The following THOC1 variants were observed in gnomAD, a reference collection of about 807,000 sequenced individuals.
The protein encoded by THOC1 is THO complex subunit 1.
In THOC1, 29 loss-of-function variants were observed where a neutral mutation model predicts 97.3. That is an observed-to-expected ratio of 0.30 (90% CI 0.22 to 0.41). The LOEUF is 0.41. Among genes scored for constraint, THOC1 ranks in the 10% least tolerant of loss-of-function variants. The pLI is 1.00. For missense variants in THOC1, 529 were observed against 761.9 expected, an observed-to-expected ratio of 0.69 and a Z score of 3.60; for synonymous variants, 255 against 257.0, an observed-to-expected ratio of 0.99 and a Z score of 0.07.
rs564376849 is a variant in THOC1 at position 216,291 on chromosome 18, T to C, written c.1602+195A>G. 3.2e-4 allele frequency: 204 copies of C among 633,166 alleles called. 1 individual carries two copies. The African/African-American group carries it at 3.5e-3, about 11-fold the overall frequency. 39.2% of individuals were successfully genotyped at this position (633,166 alleles called of 1,614,324 possible). On this transcript the variant is annotated intron_variant, in intron 19 of 20. Transcript: ENST00000261600. ...AAATTACATGCTGTACAGAAAATTA[T>C]CAGTTACTTCTTTATCAACTCATGT... is the stretch of plus-strand genomic sequence containing the variant.
rs1356082156 is a variant in THOC1 at position 268,026 on chromosome 18, G to GGCTGCGCGTGCCCGCC, written c.-23_-8dup. On this transcript the variant is annotated 5_prime_UTR_variant, in exon 1 of 21. Transcript: ENST00000261600. ...GCGGCGGCGTCGGAGACATCTTCTCGGCTGCGCGTGCCCGCCACTGCGCTG... is the reference window on the plus strand; with the variant it reads ...GCGGCGGCGTCGGAGACATCTTCTCGGCTGCGCGTGCCCGCCGCTGCGCGTGCCCGCCACTGCGCTG... The GGCTGCGCGTGCCCGCC allele has an allele frequency of 1.7e-5, 27 of 1,579,560 alleles. No individual in the cohort carries two copies. The highest frequency in any genetic ancestry group is 1.8e-5 in the Admixed American group (1 of 56,746).
At chr18:226,931 AAAC>A (rs780034096) in intron 11 of THOC1, 30 bp from the exon 12 acceptor site, 3 of 1,526,524 alleles carry the variant, frequency 2.0e-6, no homozygotes, top group Admixed American at 1.9e-5. Flanking sequence ...ACACATACGA[AAAC>A]AACACATTAA....
intron 11 of THOC1, among the ~76,000 whole-genome samples, chr18:230,495 CA>C (rs1911448066): frequency 6.6e-6 from 1 of 152,134 alleles, no homozygotes; most frequent in South Asian, 2.1e-4. Context: ...AACACTGAAT[CA>C]GGGGTGGAAA....
chr18:228,622 A>G (rs542746056), intron 11 of THOC1, among the ~76,000 whole-genome samples: 5 of 152,130 alleles, frequency 3.3e-5, no homozygotes, highest in Non-Finnish European at 5.9e-5. Context: ...TCTAGACTTC[A>G]TGGTTAATCT....
chr18:233,658 CT>C lies in THOC1; in HGVS notation c.919-6758del, dbSNP rs1442487093. On this transcript the variant is annotated intron_variant, in intron 11 of 20. Coordinates refer to ENST00000261600, the MANE Select transcript of THOC1 (RefSeq NM_005131.3). ...ATGCAATCTTCTTTTGTATATTAAC[CT>C]TTTCTACAATTTGGACTTTCTATTG... Among the ~76,000 whole-genome samples, 326 of 152,304 alleles carry C rather than the reference CT, an allele frequency of 2.1e-3. 2 individuals are homozygous for C. The highest frequency in any genetic ancestry group is 7.6e-3 in the African/African-American group (317 of 41,564).
chr18:240,653 C>A (rs1911864592), intron 11 of THOC1, among the ~76,000 whole-genome samples: 1 of 152,168 alleles, frequency 6.6e-6, no homozygotes, highest in Admixed American at 6.5e-5. Context: ...GGATCCCCAA[C>A]CTTTTTGGCA....
intron 7 of THOC1, among the ~76,000 whole-genome samples, chr18:256,630 C>G (rs1396687985): frequency 6.6e-6 from 1 of 152,202 alleles, no homozygotes; most frequent in African/African-American, 2.4e-5. Flanking sequence ...CAGAGTTTCA[C>G]TCCTGTTGCC....
chr18:258,182 A>G (rs1368150897), intron 7 of THOC1, among the ~76,000 whole-genome samples: 4 of 152,200 alleles, frequency 2.6e-5, no homozygotes. Context: ...AATGGGAAAC[A>G]GAAGACAAAG....
At chr18:260,655 A>G (rs953827044) in intron 4 of THOC1, 5 of 154,908 alleles carry the variant, frequency 3.2e-5, no homozygotes, top group Non-Finnish European at 7.1e-5. Flanking sequence ...ACTGAGACAC[A>G]GAGAGGTTAA....
intron 11 of THOC1, among the ~76,000 whole-genome samples, chr18:235,241 G>A (rs1054006533): frequency 8.6e-5 from 13 of 151,650 alleles, no homozygotes; most frequent in Non-Finnish European, 2.9e-5. Context: ...ATTGTTTGCT[G>A]GTATCTTTTC....
At chr18:219,707 TATAA>T (rs1448360927) in intron 17 of THOC1, among the ~76,000 whole-genome samples, 1 of 152,146 alleles carries the variant, frequency 6.6e-6, no homozygotes, top group Non-Finnish European at 1.5e-5. Flanking sequence ...CACTATAATA[TATAA>T]ATATGTTGCT....
chr18:249,576 C>T (rs1598302423), intron 9 of THOC1, among the ~76,000 whole-genome samples: 1 of 151,698 alleles, frequency 6.6e-6, no homozygotes, highest in African/African-American at 2.4e-5. Flanking sequence ...GCAGGAGAAT[C>T]GCTTGAGCCC....
rs563391509 is a variant in THOC1 at position 224,667 on chromosome 18, C to T, written c.1208+257G>A. ...ATGCCACATTATATGGCAAATTACA[C>T]GGAGTAGATATACAGTATTCTTCTC... is the stretch of plus-strand genomic sequence containing the variant. On this transcript the variant is annotated intron_variant, in intron 15 of 20. Coordinates refer to ENST00000261600, the MANE Select transcript of THOC1 (RefSeq NM_005131.3). Among the ~76,000 whole-genome samples, 15 of 151,518 alleles carry T rather than the reference C, an allele frequency of 9.9e-5. No individual in the cohort carries two copies. The East Asian group carries it at 1.2e-3, about 12-fold the overall frequency.
At chr18:261,837 G>A (rs1320990418) in intron 4 of THOC1, among the ~76,000 whole-genome samples, 1 of 152,116 alleles carries the variant, frequency 6.6e-6, no homozygotes, top group African/African-American at 2.4e-5. Flanking sequence ...ACTAAGCAAG[G>A]TTTGGGAATC....
In THOC1 at chr18:268,038, C is replaced by A. The variant is rs1368545377; in HGVS notation, c.-19G>T. 3 of 1,585,210 alleles carry A rather than the reference C, an allele frequency of 1.9e-6. No individual in the cohort carries two copies. Among genetic ancestry groups the A allele is most frequent in the Non-Finnish European group, 1.7e-6 (2 of 1,166,844 alleles). On this transcript the variant is annotated 5_prime_UTR_variant, in exon 1 of 21. Transcript: ENST00000261600. ...GAGACATCTTCTCGGCTGCGCGTGC[C>A]CGCCACTGCGCTGCGGCGCCTGCCG...
At position 254,366 on chromosome 18, in the gene THOC1, A is replaced by G; in HGVS notation, c.521-11T>C. 1 of 1,539,158 alleles carries G rather than the reference A, an allele frequency of 6.5e-7. No homozygotes were observed. Among genetic ancestry groups the G allele is most frequent in the Non-Finnish European group, 8.8e-7 (1 of 1,134,600 alleles). On this transcript the variant is annotated splice_polypyrimidine_tract_variant and intron_variant, in intron 7 of 20. Transcript: ENST00000261600. This position sits in a 1 kb window ranked among gnomAD's most constrained non-coding sequence, Gnocchi z 4.1. ...TCTGCAAGTTAAGACCTAGTAAAAA[A>G]ACAAAAAAAAGATGCAAAGCAAGTC... is the stretch of plus-strand genomic sequence containing the variant.
intron 18 of THOC1, among the ~76,000 whole-genome samples, chr18:217,277 C>T (rs1353438554): frequency 6.6e-6 from 1 of 152,222 alleles, no homozygotes; most frequent in Non-Finnish European, 1.5e-5. Flanking sequence ...TACCCATAGA[C>T]ACTGGGGACT....
chr18:252,542 G>A lies in THOC1; in HGVS notation c.674C>T (p.Thr225Met), dbSNP rs1250711792. 2.5e-6 allele frequency: 4 copies of A among 1,610,408 alleles called. No individual in the cohort carries two copies. The highest frequency in any genetic ancestry group is 2.2e-5 in the East Asian group (1 of 44,766). ...AGCTTAGGCTCTGAAAACTCACCAC[G>A]TTGTTGGAGCTTCCTCGTCTCCCAT... ...GEMGDEEAPT[T>M]CSIPIDYNLY... Residue 225 changes from threonine to methionine, a missense_variant, in exon 9 of 21, where the codon ACG becomes ATG. Physicochemically the swap from Thr to Met is moderately conservative, Grantham distance 81. Transcript: ENST00000261600.
chr18:265,410 T>G, intron 2 of THOC1, 47 bp from the exon 3 acceptor site: 1 of 1,586,860 alleles, frequency 6.3e-7, no homozygotes, highest in Non-Finnish European at 8.6e-7. Flanking sequence ...GCTCAGGGTA[T>G]GTATAAAGAT....
Sources: gnomAD v4.1 joint callset for allele counts (sites outside exome capture counted in the v4.1 genomes callset) on GRCh38, gnomAD v4.1.1 for gene constraint, Gnocchi (gnomAD v3.1) non-coding constraint, MANE v1.5 for transcripts, NCBI Gene and HGNC (gene_info 2026-07-23, HGNC 2026-07-21) for gene names.